Variants in RABEP2 observed in about 807,000 individuals in gnomAD.
RABEP2 encodes rabaptin, RAB GTPase binding effector protein 2, also known as rab GTPase-binding effector protein 2.
A neutral mutation model predicts 74.1 loss-of-function variants in RABEP2; 57 were observed. The observed-to-expected ratio is 0.77, with a 90% CI of 0.62 to 0.96. The LOEUF (loss-of-function observed/expected upper bound fraction) is 0.96, where lower values mean the gene tolerates loss of function less well. Ranked by LOEUF, RABEP2 falls within the 40% of genes least tolerant of loss-of-function variation. The pLI, the probability that RABEP2 is intolerant of heterozygous loss-of-function variation, is 0.00. For missense variants in RABEP2, 692 were observed against 756.3 expected, an observed-to-expected ratio of 0.91 and a Z score of 1.00; for synonymous variants, 351 against 344.0, an observed-to-expected ratio of 1.02 and a Z score of -0.23.
In RABEP2 at chr16:28,924,287, G is replaced by T. The variant is rs1215554195; in HGVS notation, c.274+116C>A. On this transcript the variant is annotated intron_variant, in intron 2 of 12. Coordinates refer to ENST00000358201, the MANE Select transcript of RABEP2 (RefSeq NM_024816.3). ...TTCCTCTGGGCCATAGGCATGCCCT[G>T]TGCCAGGCAGCCCTGCTAACCTATC... 3 of 1,036,962 alleles carry T rather than the reference G, an allele frequency of 2.9e-6. No homozygotes were observed. The African/African-American group carries it at 4.7e-5, about 16-fold the overall frequency. The allele number at this position is 1,036,962 out of a possible 1,614,324, so 64.2% of individuals were successfully genotyped here.
At chr16:28,911,993 T>C (rs1964320128) in intron 5 of RABEP2, among the ~76,000 whole-genome samples, 1 of 151,408 alleles carries the variant, frequency 6.6e-6, no homozygotes, top group Non-Finnish European at 1.5e-5. Flanking sequence ...GCACCTGTAA[T>C]CCCAGCACTT....
At position 28,924,410 on chromosome 16, in the gene RABEP2, G is replaced by A. The variant is rs770120720; in HGVS notation, c.267C>T (p.Ile89=). 1.9e-6 allele frequency: 3 copies of A among 1,612,296 alleles called. No homozygotes were observed. The highest frequency in any genetic ancestry group is 2.5e-6 in the Non-Finnish European group (3 of 1,179,956). The change falls in exon 2 of 13, where the codon ATC becomes ATT. Residue 89 remains isoleucine, a synonymous_variant. Coordinates refer to ENST00000358201, the MANE Select transcript of RABEP2 (RefSeq NM_024816.3). The part of the protein sequence containing the change: ...CQEEVASLQA[I]LKDSISSYEA... The stretch of plus-strand genomic sequence containing the variant: ...GTGAGTCCCGCGTCTCACCTTTCAG[G>A]ATGGCCTGCAGCGAGGCCACCTCCT...
chr16:28,905,299 G>T, intron 12 of RABEP2, 98 bp downstream of exon 12: 1 of 883,934 alleles, frequency 1.1e-6, no homozygotes, highest in Non-Finnish European at 1.8e-6. Context: ...CCAGGAGGAA[G>T]AAAGGACTCC....
At chr16:28,907,213 T>C (rs1964249225) in intron 8 of RABEP2, among the ~76,000 whole-genome samples, 1 of 143,090 alleles carries the variant, frequency 7.0e-6, no homozygotes, top group Non-Finnish European at 1.5e-5. Flanking sequence ...CAGGATGGAG[T>C]GTAGTGGCAT....
In RABEP2 at chr16:28,914,490, T is replaced by C; in HGVS notation, c.640A>G (p.Ser214Gly). The C allele has an allele frequency of 6.2e-7, 1 of 1,613,206 alleles. No homozygotes were observed. The highest frequency in any genetic ancestry group is 8.5e-7 in the Non-Finnish European group (1 of 1,179,786). ...SPPLEPLEELSGDGGPAAEAF... is the reference protein window; with the variant it reads ...SPPLEPLEELGGDGGPAAEAF... ...TCAGCGGCTGGACCCCCATCTCCGC[T>C]CAGCTCCTCCAGAGGCTCCAGCGGG... The change falls in exon 5 of 13, where the codon AGC becomes GGC. Residue 214 changes from serine (S) to glycine (G), a missense_variant. Coordinates refer to ENST00000358201, the MANE Select transcript of RABEP2 (RefSeq NM_024816.3).
In RABEP2 at chr16:28,911,268, C is replaced by A. The variant is rs945566714; in HGVS notation, c.895-89G>T. 2.4e-5 allele frequency: 28 copies of A among 1,172,244 alleles called. No homozygotes were observed. In the East Asian group the frequency reaches 4.5e-4, roughly 19 times the overall value. 72.6% of individuals were successfully genotyped at this position (1,172,244 alleles called of 1,614,324 possible). ...CGTGGCCCACCTCTGCAGGGAGGTG[C>A]CCTCATCCACACAGTCCGTCAAATT... On this transcript the variant is annotated intron_variant, in intron 5 of 12. Coordinates refer to ENST00000358201, the MANE Select transcript of RABEP2 (RefSeq NM_024816.3).
rs773962035 is a variant in RABEP2, at chr16:28,914,261, G to C, written c.869C>G (p.Thr290Ser). Residue 290 changes from threonine to serine, a missense_variant, in exon 5 of 13, where the codon ACT (threonine) becomes AGT (serine). Transcript: ENST00000358201. ...PPPGYQLVPD[T>S]QWEQLQTEGR... is the part of the protein sequence containing the mutation. ...CTCTGTCTGCAGCTGCTCCCACTGA[G>C]TGTCTGGGACGAGCTGGTAGCCAGG... 3.1e-6 allele frequency: 5 copies of C among 1,608,566 alleles called. No homozygotes were observed. Among genetic ancestry groups the C allele is most frequent in the Non-Finnish European group, 2.5e-6 (3 of 1,178,306 alleles).
rs771357327 is a variant in RABEP2, at chr16:28,924,555, C to T, written c.122G>A (p.Ser41Asn). The change falls in exon 2 of 13, where the codon AGC becomes AAC. Residue 41 changes from serine to asparagine, a missense_variant. By Grantham distance (46) the Ser-to-Asn change is conservative. Transcript: ENST00000358201. ...GCCTGCCAGCTCAGCCCGAAGCCGGCTGAGCTCACCTGACTCGGCCTCACC... is the reference window on the plus strand; with the variant it reads ...GCCTGCCAGCTCAGCCCGAAGCCGGTTGAGCTCACCTGACTCGGCCTCACC... ...ANGEAESGEL[S>N]RLRAELAGAL... The T allele has an allele frequency of 4.3e-6, 7 of 1,613,632 alleles. No homozygotes were observed. The highest frequency in any genetic ancestry group is 5.9e-6 in the Non-Finnish European group (7 of 1,180,036).
At position 28,904,918 on chromosome 16, in the gene RABEP2, G is replaced by T; in HGVS notation, c.*25C>A. 3 of 1,557,926 alleles carry T rather than the reference G, an allele frequency of 1.9e-6. No homozygotes were observed. The highest frequency in any genetic ancestry group is 2.6e-6 in the Non-Finnish European group (3 of 1,132,310). On this transcript the variant is annotated 3_prime_UTR_variant, in exon 13 of 13. Coordinates refer to ENST00000358201, the MANE Select transcript of RABEP2 (RefSeq NM_024816.3). ...AGTGGGGAAAGGCGTCTTTCCCAGGGTGGGGGTGGGGATATCCTGACCCCT... is the reference window on the plus strand; with the variant it reads ...AGTGGGGAAAGGCGTCTTTCCCAGGTTGGGGGTGGGGATATCCTGACCCCT...
chr16:28,908,584 C>A, intron 8 of RABEP2, 25 bp downstream of exon 8: 1 of 1,582,314 alleles, frequency 6.3e-7, no homozygotes. Flanking sequence ...TGGCTCCAGG[C>A]TCTCAGTGCC....
At chr16:28,917,802 G>A (rs1183061291) in intron 3 of RABEP2, 2 of 152,256 alleles carry the variant, frequency 1.3e-5, no homozygotes, top group Non-Finnish European at 2.9e-5. Flanking sequence ...TGCTCCCTGG[G>A]GAACACTCCG....
At chr16:28,924,998 G>A (rs1048442085) in intron 1 of RABEP2, 105 bp downstream of exon 1, 13 of 955,470 alleles carry the variant, frequency 1.4e-5, no homozygotes, top group Non-Finnish European at 1.6e-5. Context: ...GCGTGGCCCC[G>A]CCCCTTCCTC....
intron 2 of RABEP2, 89 bp downstream of exon 2, chr16:28,924,314 C>T (rs764462624): frequency 1.7e-5 from 23 of 1,321,632 alleles, no homozygotes; most frequent in Non-Finnish European, 2.1e-5. Context: ...TAACCTATCC[C>T]ATAGCTTATC....
chr16:28,906,782 A>G (rs995622141), intron 8 of RABEP2, among the ~76,000 whole-genome samples: 2 of 151,710 alleles, frequency 1.3e-5, no homozygotes, highest in Admixed American at 6.6e-5. Context: ...AACAAAAACA[A>G]AAACAAACAA....
chr16:28,908,577 C>A (rs1288446826), intron 8 of RABEP2, 32 bp downstream of exon 8: 2 of 1,574,558 alleles, frequency 1.3e-6, no homozygotes, highest in Non-Finnish European at 1.7e-6. Context: ...CTCACGGTGG[C>A]TCCAGGCTCT....
Position 28,905,889 on chromosome 16 carries a change from G to A in RABEP2, c.1424-11C>T. ...CACCCTCCAGCACCTCTGTGGGAAG[G>A]AAAGAAAGAGAGGTCAAGGCCAGCC... On this transcript the variant is annotated splice_polypyrimidine_tract_variant and intron_variant, in intron 9 of 12. Transcript: ENST00000358201. The A allele has an allele frequency of 6.2e-7, 1 of 1,613,684 alleles. No homozygotes were observed. Among genetic ancestry groups the A allele is most frequent in the Non-Finnish European group, 8.5e-7 (1 of 1,180,006 alleles).
chr16:28,921,647 A>ATTTTT (rs56325875), intron 2 of RABEP2, among the ~76,000 whole-genome samples: 2 of 113,426 alleles, frequency 1.8e-5, no homozygotes, highest in African/African-American at 3.6e-5. Flanking sequence ...TAGAACATAG[A>ATTTTT]TTTTTTTTTT....
At chr16:28,906,758 C>G (rs1964240558) in intron 8 of RABEP2, among the ~76,000 whole-genome samples, 1 of 151,986 alleles carries the variant, frequency 6.6e-6, no homozygotes, top group East Asian at 1.9e-4. Flanking sequence ...GAACAAGACT[C>G]CATCTCAAAC....
chr16:28,907,793 C>T (rs538877145), intron 8 of RABEP2, among the ~76,000 whole-genome samples: 4 of 152,140 alleles, frequency 2.6e-5, no homozygotes, highest in Admixed American at 2.6e-4. Context: ...CGAGCCACCA[C>T]ACCCAACTAA....
Sources: gnomAD v4.1 joint callset for allele counts (sites outside exome capture counted in the v4.1 genomes callset) on GRCh38, gnomAD v4.1.1 for gene constraint, MANE v1.5 for transcripts, NCBI Gene and HGNC (gene_info 2026-07-23, HGNC 2026-07-21) for gene names.